Variants in PBX3 observed in about 807,000 individuals in gnomAD.
PBX3 encodes pre-B-cell leukemia transcription factor 3.
In PBX3, 14 loss-of-function variants were observed where a neutral mutation model predicts 48.5. The ratio of observed to expected loss-of-function variants is 0.29; its 90% CI spans 0.19 to 0.45. The LOEUF is 0.45. PBX3 is among the 20% of genes least tolerant of loss of function. PBX3 has a pLI of 1.00. For missense variants in PBX3, 386 were observed against 546.7 expected (o/e 0.71, Z 2.93); for synonymous variants, 210 against 200.3 (o/e 1.05, Z -0.41).
chr9:125,955,530 C>G (rs1019027863), intron 5 of PBX3, among the ~76,000 whole-genome samples: 1 of 152,144 alleles, frequency 6.6e-6, no homozygotes, highest in Admixed American at 6.5e-5. Flanking sequence ...TCTGGGATCT[C>G]GGAGTGGTCC....
At chr9:125,849,047 A>G (rs1839507010) in intron 2 of PBX3, among the ~76,000 whole-genome samples, 3 of 152,004 alleles carry the variant, frequency 2.0e-5, no homozygotes, top group Admixed American at 1.3e-4. Context: ...GGAAGTTGGT[A>G]GAATTTCTGT....
At chr9:125,858,622 ATT>A (rs36077474) in intron 2 of PBX3, among the ~76,000 whole-genome samples, 1 of 117,786 alleles carries the variant, frequency 8.5e-6, no homozygotes, top group Non-Finnish European at 1.7e-5. Flanking sequence ...ACTTTGGTCC[ATT>A]TTTTTTTTTT....
Position 125,748,671 on chromosome 9 carries a change from G to C in PBX3, c.274+48G>C, listed in dbSNP as rs769405476. 2.0e-6 allele frequency: 3 copies of C among 1,473,428 alleles called. No homozygotes were observed. The South Asian group carries it at 3.4e-5, about 17-fold the overall frequency. The allele number at this position is 1,473,428 out of a possible 1,614,324, so 91.3% of individuals were successfully genotyped here. A position where few individuals can be genotyped will look rare whatever the true frequency, so the allele number is the denominator to read the frequency against. On this transcript the variant is annotated intron_variant, in intron 2 of 8. Coordinates refer to ENST00000373489, the MANE Select transcript of PBX3 (RefSeq NM_006195.6). ...GGGCCTGGAGACCCCCGAGGTGGGG[G>C]TCGGAGCTACTCCTTCGACTCTCCA...
In PBX3 at chr9:125,783,607, A is replaced by T. The variant is rs1365949685; in HGVS notation, c.274+34984A>T. ...GGCCTGATCCCTTTTTGCAGTTTTAATCTCTTTGCTAATACTCTGTTTTTG... is the reference window on the plus strand; with the variant it reads ...GGCCTGATCCCTTTTTGCAGTTTTATTCTCTTTGCTAATACTCTGTTTTTG... On this transcript the variant is annotated intron_variant, in intron 2 of 8. Coordinates refer to ENST00000373489, the MANE Select transcript of PBX3 (RefSeq NM_006195.6). Among the ~76,000 whole-genome samples the T allele has an allele frequency of 2.6e-5, 4 of 151,956 alleles. No individual in the cohort carries two copies. In the South Asian group the frequency reaches 6.2e-4, roughly 24 times the overall value.
intron 2 of PBX3, among the ~76,000 whole-genome samples, chr9:125,808,338 A>C (rs547677720): frequency 6.6e-5 from 10 of 152,198 alleles, no homozygotes; most frequent in Admixed American, 6.5e-4. Context: ...CGGTACTTTA[A>C]AGTTAGAGTT....
chr9:125,907,672 A>G (rs903521377), intron 2 of PBX3, among the ~76,000 whole-genome samples: 1 of 152,058 alleles, frequency 6.6e-6, no homozygotes, highest in African/African-American at 2.4e-5. Context: ...AGTCTAGGCT[A>G]CTCTGACTCC....
At chr9:125,785,591 A>T (rs1047107929) in intron 2 of PBX3, among the ~76,000 whole-genome samples, 1 of 152,206 alleles carries the variant, frequency 6.6e-6, no homozygotes, top group Non-Finnish European at 1.5e-5. Flanking sequence ...GGACTAAGCC[A>T]CTACTGGCTT....
At chr9:125,924,386 C>A (rs1215914301) in intron 3 of PBX3, among the ~76,000 whole-genome samples, 1 of 152,162 alleles carries the variant, frequency 6.6e-6, no homozygotes, top group Non-Finnish European at 1.5e-5. Flanking sequence ...TTTGACCTCA[C>A]ACAGATATGT....
At chr9:125,940,066 C>G (rs1841926495) in intron 5 of PBX3, among the ~76,000 whole-genome samples, 1 of 152,072 alleles carries the variant, frequency 6.6e-6, no homozygotes, top group African/African-American at 2.4e-5. Context: ...CATGTAATCC[C>G]ACCTATTCGG....
At chr9:125,870,942 T>A (rs1483666342) in intron 2 of PBX3, among the ~76,000 whole-genome samples, 1 of 152,162 alleles carries the variant, frequency 6.6e-6, no homozygotes, top group East Asian at 1.9e-4. Flanking sequence ...AATTGAATAA[T>A]TTCAGCTTGG....
chr9:125,880,876 TA>T (rs1840365108), intron 2 of PBX3, among the ~76,000 whole-genome samples: 2 of 152,196 alleles, frequency 1.3e-5, no homozygotes, highest in Non-Finnish European at 2.9e-5. Flanking sequence ...TTTTGTGCAA[TA>T]AAGTAGAAAT....
intron 2 of PBX3, among the ~76,000 whole-genome samples, chr9:125,758,361 TA>T (rs1431141266): frequency 1.3e-5 from 2 of 152,188 alleles, no homozygotes; most frequent in Non-Finnish European, 2.9e-5. Context: ...ATGTTACTTT[TA>T]AATTTCTAAT....
At chr9:125,892,700 C>T (rs1233409049) in intron 2 of PBX3, among the ~76,000 whole-genome samples, 1 of 152,172 alleles carries the variant, frequency 6.6e-6, no homozygotes. Flanking sequence ...CTTAAAAATG[C>T]AGAACTGCCT....
intron 2 of PBX3, among the ~76,000 whole-genome samples, chr9:125,839,362 T>C (rs1479890706): frequency 6.6e-6 from 1 of 152,222 alleles, no homozygotes; most frequent in African/African-American, 2.4e-5. Flanking sequence ...AGGACTATAC[T>C]CAGATTCAGA....
chr9:125,966,200 C>A lies in PBX3; in HGVS notation c.*277C>A, dbSNP rs950195851. The A allele has an allele frequency of 1.6e-5, 4 of 252,588 alleles. No individual in the cohort carries two copies. The highest frequency in any genetic ancestry group is 4.4e-5 in the African/African-American group (2 of 44,944). The allele number at this position is 252,588 out of a possible 1,614,324, so 15.6% of individuals were successfully genotyped here. On this transcript the variant is annotated 3_prime_UTR_variant, in exon 9 of 9. Transcript: ENST00000373489. Reference sequence around the variant, plus strand: ...TAGCTATTTTATCATAATTTATTATCAATATTTTACATTAATGGTTTCACA... The same window carrying A: ...TAGCTATTTTATCATAATTTATTATAAATATTTTACATTAATGGTTTCACA...
At chr9:125,805,313 A>G (rs1342167438) in intron 2 of PBX3, among the ~76,000 whole-genome samples, 2 of 152,114 alleles carry the variant, frequency 1.3e-5, no homozygotes, top group Non-Finnish European at 2.9e-5. Context: ...GAAGAATAGT[A>G]TGAGATGAGG....
intron 2 of PBX3, among the ~76,000 whole-genome samples, chr9:125,798,915 A>C (rs950282812): frequency 5.9e-5 from 9 of 152,142 alleles, no homozygotes; most frequent in Non-Finnish European, 5.9e-5. Context: ...TAAATAATAT[A>C]TACATATATA....
In PBX3 at chr9:125,786,029, G is replaced by A. The variant is rs374151731; in HGVS notation, c.274+37406G>A. On this transcript the variant is annotated intron_variant, in intron 2 of 8. Coordinates refer to ENST00000373489, the MANE Select transcript of PBX3 (RefSeq NM_006195.6). ...CATACTGAAAAATTTGATTCTGATC[G>A]TTTTCTCTTGATTTTTTGATGTTAC... is the stretch of plus-strand genomic sequence containing the variant. Among the ~76,000 whole-genome samples, 16 of 150,974 alleles carry A rather than the reference G, an allele frequency of 1.1e-4. No homozygotes were observed. In the South Asian group the frequency reaches 1.5e-3, roughly 14 times the overall value.
intron 5 of PBX3, among the ~76,000 whole-genome samples, chr9:125,944,226 T>C (rs945987099): frequency 4.6e-5 from 7 of 152,258 alleles, no homozygotes; most frequent in African/African-American, 1.7e-4. Context: ...TCTTCTCTTT[T>C]GATTTCTCTC....
Sources: gnomAD v4.1 joint callset for allele counts (sites outside exome capture counted in the v4.1 genomes callset) on GRCh38, gnomAD v4.1.1 for gene constraint, MANE v1.5 for transcripts, NCBI Gene and HGNC (gene_info 2026-07-23, HGNC 2026-07-21) for gene names.